Variants in ANAPC5 observed in about 807,000 individuals in gnomAD.
ANAPC5 encodes anaphase promoting complex subunit 5, also known as anaphase-promoting complex subunit 5.
In ANAPC5, 60 loss-of-function variants were observed where a neutral mutation model predicts 91.3. That is an observed-to-expected ratio of 0.66 (90% CI 0.53 to 0.81). The LOEUF (loss-of-function observed/expected upper bound fraction) is 0.81, where lower values mean the gene tolerates loss of function less well. Ranked by LOEUF, ANAPC5 falls within the 40% of genes least tolerant of loss-of-function variation. The probability of loss-of-function intolerance (pLI) is 0.00; values close to 1 mark genes in which losing one functional copy is unlikely to be tolerated. For synonymous variants in ANAPC5, 340 were observed against 364.1 expected (o/e 0.93, Z 0.75); for missense variants, 690 against 931.5 (o/e 0.74, Z 3.37).
At chr12:121,327,395 A>G (rs782798597) in intron 10 of ANAPC5, 164 bp from the exon 11 acceptor site, 61 of 799,136 alleles carry the variant, frequency 7.6e-5, no homozygotes, top group Non-Finnish European at 1.1e-4. Flanking sequence ...TGCCCTCAGG[A>G]TAAGAAAGGC....
rs1415968683 is a variant in ANAPC5 at position 121,308,622 on chromosome 12, C to T, written c.2126G>A (p.Arg709His). ...CTGGAAGTAAACGACGTCCCTGATG[C>T]GCTCTTTGCAGTCAACCTTTGCAAA... is the stretch of plus-strand genomic sequence containing the variant. Reference protein sequence around the residue: ...NYFAKVDCKERIRDVVYFQAR... With the variant: ...NYFAKVDCKEHIRDVVYFQAR... Residue 709 changes from arginine to histidine, a missense_variant, in exon 17 of 17, where the codon CGC becomes CAC. Physicochemically the swap from Arg to His is conservative, Grantham distance 29. Coordinates refer to ENST00000261819, the MANE Select transcript of ANAPC5 (RefSeq NM_016237.5). 3.1e-6 allele frequency: 5 copies of T among 1,613,982 alleles called. No individual in the cohort carries two copies. Among genetic ancestry groups the T allele is most frequent in the Admixed American group, 3.3e-5 (2 of 59,986 alleles).
intron 13 of ANAPC5, 76 bp downstream of exon 13, chr12:121,319,621 A>T: frequency 7.1e-7 from 1 of 1,412,530 alleles, no homozygotes; most frequent in Non-Finnish European, 9.5e-7. Context: ...AAAATAAATT[A>T]ATGCACATAT....
intron 5 of ANAPC5, among the ~76,000 whole-genome samples, chr12:121,339,332 T>C (rs1903358579): frequency 6.6e-6 from 1 of 152,164 alleles, no homozygotes; most frequent in Non-Finnish European, 1.5e-5. Flanking sequence ...ATTATAGGCA[T>C]GAGCCACTGT....
chr12:121,314,875 C>A (rs936066171), intron 15 of ANAPC5, among the ~76,000 whole-genome samples: 1 of 152,016 alleles, frequency 6.6e-6, no homozygotes, highest in African/African-American at 2.4e-5. Flanking sequence ...AAGTAATCTG[C>A]CTTGGCCTCA....
rs1555272518 is a variant in ANAPC5 at position 121,328,319 on chromosome 12, C to A, written c.1301G>T (p.Arg434Leu). The stretch of plus-strand genomic sequence containing the variant: ...CCCAGGGCCTTGGGAGACCTACCTG[C>A]GGCCATACAGCCTCCAGATGGCCGT... Reference protein sequence around the residue: ...QKTAIWRLYGRSTMALQQAQM... With the variant: ...QKTAIWRLYGLSTMALQQAQM... Residue 434 changes from arginine (R) to leucine (L), a missense_variant, in exon 10 of 17, where the codon CGC (arginine) becomes CTC (leucine). Coordinates refer to ENST00000261819, the MANE Select transcript of ANAPC5 (RefSeq NM_016237.5). The A allele has an allele frequency of 6.2e-7, 1 of 1,613,544 alleles. No individual in the cohort carries two copies. Among genetic ancestry groups the A allele is most frequent in the Non-Finnish European group, 8.5e-7 (1 of 1,179,902 alleles).
intron 11 of ANAPC5, 161 bp from the exon 12 acceptor site, chr12:121,320,620 T>G (rs565708849): frequency 6.6e-4 from 343 of 519,972 alleles, no homozygotes; most frequent in Non-Finnish European, 7.1e-4. Flanking sequence ...TTTTTTTTTT[T>G]TGGGACAGAG....
chr12:121,322,085 C>T (rs1305383253), intron 11 of ANAPC5, among the ~76,000 whole-genome samples: 1 of 151,512 alleles, frequency 6.6e-6, no homozygotes, highest in Non-Finnish European at 1.5e-5. Flanking sequence ...AGGCTGCTCT[C>T]GATCTCATGA....
intron 1 of ANAPC5, among the ~76,000 whole-genome samples, chr12:121,351,656 A>G (rs1293139802): frequency 6.6e-6 from 1 of 151,954 alleles, no homozygotes; most frequent in Non-Finnish European, 1.5e-5. Context: ...ACGGGGTTTC[A>G]CTACGTTGGT....
intron 7 of ANAPC5, chr12:121,332,211 C>G (rs1903070322): frequency 6.6e-6 from 1 of 152,326 alleles, no homozygotes; most frequent in Non-Finnish European, 1.5e-5. Context: ...GATCCTCCTT[C>G]TTTGGCCTCC....
chr12:121,352,595 G>C (rs1432133154), upstream of ANAPC5: 2 of 446,380 alleles, frequency 4.5e-6, no homozygotes, highest in Non-Finnish European at 8.0e-6. Flanking sequence ...CTTTTGCCGA[G>C]TGGGAGCAGG....
chr12:121,322,160 G>A lies in ANAPC5; in HGVS notation c.1441-1701C>T, dbSNP rs1440887596. 3.6e-4 allele frequency among the ~76,000 whole-genome samples: 52 copies of A among 144,240 alleles called. No homozygotes were observed. In the Admixed American group the frequency reaches 3.6e-3, roughly 10 times the overall value. The allele number at this position is 144,240 out of a possible 152,430, so 94.6% of individuals were successfully genotyped here. ...ATTACAGGCGTGAGCCACCGCACCT[G>A]GCCTGTTTTTTTTTTTGAGAGGGAG... On this transcript the variant is annotated intron_variant, in intron 11 of 16. Transcript: ENST00000261819.
At chr12:121,320,041 C>A (rs1435435518) in intron 12 of ANAPC5, among the ~76,000 whole-genome samples, 1 of 152,182 alleles carries the variant, frequency 6.6e-6, no homozygotes, top group Admixed American at 6.5e-5. Context: ...TGTCAACTCA[C>A]ATTTTGCTTT....
intron 1 of ANAPC5, chr12:121,350,914 T>G (rs1002480859): frequency 9.3e-6 from 3 of 323,054 alleles, no homozygotes; most frequent in Non-Finnish European, 1.8e-5. Flanking sequence ...GGAAGGTATA[T>G]GCCATATGTG....
At chr12:121,328,739 G>A (rs1046078612) in intron 9 of ANAPC5, 6 of 394,260 alleles carry the variant, frequency 1.5e-5, no homozygotes, top group Non-Finnish European at 2.8e-5. Context: ...AGCATTAGAT[G>A]GACCTGGACT....
At chr12:121,345,742 T>A in intron 4 of ANAPC5, 97 bp downstream of exon 4, 2 of 1,285,468 alleles carry the variant, frequency 1.6e-6, no homozygotes, top group South Asian at 2.7e-5. Flanking sequence ...AAAAAGGGCA[T>A]AAGCCAGCAC....
In ANAPC5 at chr12:121,352,382, C is replaced by G; in HGVS notation, c.-42G>C. 7 of 1,513,474 alleles carry G rather than the reference C, an allele frequency of 4.6e-6. No individual in the cohort carries two copies. The highest frequency in any genetic ancestry group is 6.3e-6 in the Non-Finnish European group (7 of 1,105,328). The allele number at this position is 1,513,474 out of a possible 1,614,324, so 93.8% of individuals were successfully genotyped here. On this transcript the variant is annotated 5_prime_UTR_variant, in exon 1 of 17. Coordinates refer to ENST00000261819, the MANE Select transcript of ANAPC5 (RefSeq NM_016237.5). ...GTCTCGGGCCCGCGGCGCGCTGCCG[C>G]CAGTTGTCACCACAAGGCACAACAC...
Position 121,331,249 on chromosome 12 carries a change from A to AT in ANAPC5, c.1032+97dup, listed in dbSNP as rs369937244. ...AACTTGTTTCCTTTTGCTGCTGAAG[A>AT]TCTCTGCTCCAACTGCAAAACAACC... On this transcript the variant is annotated intron_variant, in intron 8 of 16. Coordinates refer to ENST00000261819, the MANE Select transcript of ANAPC5 (RefSeq NM_016237.5). 4.3e-4 allele frequency: 425 copies of AT among 980,844 alleles called. 2 individuals carry two copies. In the African/African-American group the frequency reaches 5.8e-3, roughly 13 times the overall value. 60.8% of individuals were successfully genotyped at this position (980,844 alleles called of 1,614,324 possible). A position where few individuals can be genotyped will look rare whatever the true frequency, so the allele number is the denominator to read the frequency against.
At chr12:121,346,296 T>A (rs73405782) in intron 3 of ANAPC5, 1 of 335,790 alleles carries the variant, frequency 3.0e-6, no homozygotes, top group African/African-American at 2.1e-5. Flanking sequence ...TGTTACACTA[T>A]CTGAAATGAT....
In ANAPC5 at chr12:121,343,866, T is replaced by C. The variant is rs375952346; in HGVS notation, c.591-1797A>G. Among the ~76,000 whole-genome samples the C allele has an allele frequency of 1.7e-3, 266 of 152,288 alleles. 2 individuals carry two copies. The highest frequency in any genetic ancestry group is 5.6e-3 in the African/African-American group (234 of 41,570). On this transcript the variant is annotated intron_variant, in intron 4 of 16. Coordinates refer to ENST00000261819, the MANE Select transcript of ANAPC5 (RefSeq NM_016237.5). ...TTCTCTCAGAGCTCTGGACAGTGTATCTGTTTACTTGTCAGCCTTCCTCAC... is the reference window on the plus strand; with the variant it reads ...TTCTCTCAGAGCTCTGGACAGTGTACCTGTTTACTTGTCAGCCTTCCTCAC...
Sources: allele counts gnomAD v4.1 joint callset (sites outside exome capture counted in the v4.1 genomes callset), GRCh38; gene constraint gnomAD v4.1.1; transcripts MANE v1.5; gene names NCBI Gene and HGNC (gene_info 2026-07-23, HGNC 2026-07-21).